Variants in EYS observed in about 807,000 individuals in gnomAD.
EYS encodes protein eyes shut homolog.
Under a neutral mutation model 282.1 loss-of-function variants are expected in EYS, and 250 were observed. The observed-to-expected ratio is 0.89, with a 90% confidence interval of 0.80 to 0.98. The LOEUF (loss-of-function observed/expected upper bound fraction) is 0.98, where lower values mean the gene tolerates loss of function less well. Among genes scored for constraint, EYS ranks in the 50% least tolerant of loss-of-function variants. EYS has a pLI of 0.00. For missense variants in EYS, 4,016 were observed against 3,709.0 expected, an observed-to-expected ratio of 1.08 and a Z score of -2.15; for synonymous variants, 1,355 against 1,282.9, an observed-to-expected ratio of 1.06 and a Z score of -1.20.
At chr6:64,402,192 C>T (rs1773556718) in intron 28 of EYS, among the ~76,000 whole-genome samples, 1 of 152,162 alleles carries the variant, frequency 6.6e-6, no homozygotes, top group Non-Finnish European at 1.5e-5. Flanking sequence ...TCTTAGTGAT[C>T]TCTTTAATGT....
At chr6:64,485,092 C>T (rs1006915231) in intron 26 of EYS, among the ~76,000 whole-genome samples, 2 of 151,588 alleles carry the variant, frequency 1.3e-5, no homozygotes, top group African/African-American at 4.8e-5. Flanking sequence ...AAAGTGGCCC[C>T]CAAAAAAGGA....
At chr6:64,226,372 T>C (rs1469885838) in intron 31 of EYS, among the ~76,000 whole-genome samples, 1 of 152,148 alleles carries the variant, frequency 6.6e-6, no homozygotes, top group Non-Finnish European at 1.5e-5. Context: ...AAACAAAATA[T>C]TTCTTGCTGT....
At chr6:63,993,033 G>A (rs915820340) in intron 34 of EYS, among the ~76,000 whole-genome samples, 1 of 151,654 alleles carries the variant, frequency 6.6e-6, no homozygotes, top group Admixed American at 6.6e-5. Context: ...GCCTTACAAG[G>A]CCGCAGGAAG....
intron 2 of EYS, among the ~76,000 whole-genome samples, chr6:65,565,442 G>GA: frequency 6.6e-6 from 1 of 151,992 alleles, no homozygotes; most frequent in East Asian, 1.9e-4. Flanking sequence ...AAAAAGTCAG[G>GA]AAACAACAGA....
At chr6:64,748,222 A>G (rs1162996460) in intron 22 of EYS, among the ~76,000 whole-genome samples, 1 of 152,258 alleles carries the variant, frequency 6.6e-6, no homozygotes, top group Non-Finnish European at 1.5e-5. Flanking sequence ...CAATAAATGT[A>G]ATAATAAACA....
chr6:64,298,678 A>C (rs1412935195), intron 30 of EYS, among the ~76,000 whole-genome samples: 1 of 152,268 alleles, frequency 6.6e-6, no homozygotes, highest in Admixed American at 6.5e-5. Context: ...ATAGCTTCTT[A>C]GCAATTATTT....
intron 26 of EYS, among the ~76,000 whole-genome samples, chr6:64,563,895 TTTA>T (rs1224289240): frequency 6.6e-6 from 1 of 151,998 alleles, no homozygotes; most frequent in Non-Finnish European, 1.5e-5. Flanking sequence ...TCTACCAGTT[TTTA>T]TTTTTAAAAT....
At chr6:64,282,329 T>C (rs1226155320) in intron 30 of EYS, among the ~76,000 whole-genome samples, 1 of 152,164 alleles carries the variant, frequency 6.6e-6, no homozygotes, top group Non-Finnish European at 1.5e-5. Context: ...TTTCTTTGTC[T>C]GATGCTTCCA....
chr6:65,392,588 C>T (rs2150357397), intron 7 of EYS, among the ~76,000 whole-genome samples: 1 of 152,206 alleles, frequency 6.6e-6, no homozygotes, highest in African/African-American at 2.4e-5. Context: ...CCATCACTGG[C>T]CATCAGAGAA....
chr6:64,380,827 C>T (rs1772719835), intron 29 of EYS, among the ~76,000 whole-genome samples: 1 of 151,978 alleles, frequency 6.6e-6, no homozygotes, highest in Non-Finnish European at 1.5e-5. Context: ...ACCAGCCTTG[C>T]AAATATGGCG....
chr6:65,313,331 T>A (rs1217142485), intron 11 of EYS, among the ~76,000 whole-genome samples: 1 of 151,342 alleles, frequency 6.6e-6, no homozygotes, highest in Non-Finnish European at 1.5e-5. Flanking sequence ...GGGTTTAGAG[T>A]AAAGAAGTGA....
chr6:63,915,618 C>A (rs912927697), intron 35 of EYS, among the ~76,000 whole-genome samples: 9 of 152,172 alleles, frequency 5.9e-5, no homozygotes, highest in Admixed American at 5.2e-4. Flanking sequence ...CAGTTGAAAC[C>A]TTTCTGGAAA....
At chr6:64,089,017 A>C (rs1281504675) in intron 31 of EYS, among the ~76,000 whole-genome samples, 1 of 152,026 alleles carries the variant, frequency 6.6e-6, no homozygotes, top group Non-Finnish European at 1.5e-5. Context: ...TATAATGGAA[A>C]TAGATTTGAT....
chr6:64,549,987 TTTGG>T (rs1366261495), intron 26 of EYS, among the ~76,000 whole-genome samples: 2 of 152,074 alleles, frequency 1.3e-5, no homozygotes, highest in Admixed American at 6.6e-5. Flanking sequence ...ACATGCGGTG[TTTGG>T]TTTTTTGTCC....
chr6:64,886,515 T>C (rs1393021496), intron 19 of EYS, among the ~76,000 whole-genome samples, 182 bp downstream of exon 19: 3 of 152,050 alleles, frequency 2.0e-5, no homozygotes, highest in Non-Finnish European at 2.9e-5. Flanking sequence ...TTTAATAAAT[T>C]GAAGATAAAA....
chr6:65,571,780 A>T (rs1764484927), intron 2 of EYS, among the ~76,000 whole-genome samples: 1 of 152,062 alleles, frequency 6.6e-6, no homozygotes, highest in African/African-American at 2.4e-5. Flanking sequence ...AACATTTTTT[A>T]AAAAACCTTC....
At chr6:65,281,047 A>G (rs1383282020) in intron 12 of EYS, among the ~76,000 whole-genome samples, 5 of 148,394 alleles carry the variant, frequency 3.4e-5, no homozygotes, top group African/African-American at 4.9e-5. Context: ...AAAAAAAAAA[A>G]AAAAGAAAAG....
intron 9 of EYS, among the ~76,000 whole-genome samples, chr6:65,345,969 C>T (rs1342611): frequency 6.6e-6 from 1 of 151,798 alleles, no homozygotes; most frequent in Non-Finnish European, 1.5e-5. Flanking sequence ...TCTGGAAACA[C>T]GATTAGCTGA....
At chr6:65,342,269 T>C (rs2150318543) in intron 10 of EYS, among the ~76,000 whole-genome samples, 1 of 151,190 alleles carries the variant, frequency 6.6e-6, no homozygotes, top group Non-Finnish European at 1.5e-5. Context: ...TATTCTATAA[T>C]TATGTCCTCA....
Sources: allele counts gnomAD v4.1 joint callset (sites outside exome capture counted in the v4.1 genomes callset), GRCh38; gene constraint gnomAD v4.1.1; transcripts MANE v1.5; gene names NCBI Gene and HGNC (gene_info 2026-07-23, HGNC 2026-07-21).